CDHR1: variants seen among roughly 807,000 people sequenced by gnomAD.
The protein encoded by CDHR1 is cadherin related family member 1, also known as cadherin-related family member 1.
CDHR1 carries 61 observed loss-of-function variants against 72.1 expected under a neutral mutation model. That is an observed-to-expected ratio of 0.85 (90% CI 0.69 to 1.05). CDHR1 has a LOEUF of 1.05. CDHR1 is among the 50% of genes least tolerant of loss of function. The probability of loss-of-function intolerance (pLI) is 0.00; values close to 1 mark genes in which losing one functional copy is unlikely to be tolerated. For synonymous variants in CDHR1, 470 were observed against 448.1 expected (o/e 1.05, Z -0.62); for missense variants, 1,186 against 1,115.7 (o/e 1.06, Z -0.90).
Position 84,208,743 on chromosome 10 carries a change from A to C in CDHR1, c.1182A>C (p.Lys394Asn). Residue 394 changes from lysine to asparagine, a missense_variant, in exon 12 of 17, where the codon AAA becomes AAC. Coordinates refer to ENST00000623527, the MANE Select transcript of CDHR1 (RefSeq NM_033100.4). ...AAATTCTCTAGGGAGCCAATGCCAA[A>C]TTCAACTTGCAGCTGGTGGGACCCA... Reference protein sequence around the residue: ...VNDSDQGANAKFNLQLVGPRG... With the variant: ...VNDSDQGANANFNLQLVGPRG... 6.2e-7 allele frequency: 1 copy of C among 1,614,196 alleles called. No homozygotes were observed. Among genetic ancestry groups the C allele is most frequent in the Non-Finnish European group, 8.5e-7 (1 of 1,180,030 alleles).
rs1336380504 is a variant in CDHR1 at position 84,194,956 on chromosome 10, T to C, written c.55+141T>C. 1.9e-5 allele frequency: 16 copies of C among 854,676 alleles called. No individual in the cohort carries two copies. The East Asian group carries it at 4.3e-4, about 23-fold the overall frequency. 52.9% of individuals were successfully genotyped at this position (854,676 alleles called of 1,614,324 possible). A position where few individuals can be genotyped will look rare whatever the true frequency, so the allele number is the denominator to read the frequency against. On this transcript the variant is annotated intron_variant, in intron 1 of 16. Transcript: ENST00000623527. ...TGGTGGACGGGAGCGGAGAAGTCCT[T>C]CCATCTTCCTGGCCCATTCGGTAGT...
intron 12 of CDHR1, among the ~76,000 whole-genome samples, chr10:84,209,240 GA>G (rs949848452): frequency 6.6e-6 from 1 of 151,858 alleles, no homozygotes; most frequent in Non-Finnish European, 1.5e-5. Flanking sequence ...AGCTGAAGAG[GA>G]AAAAAATACT....
At position 84,217,196 on chromosome 10, in the gene CDHR1, G is replaced by A. The variant is rs542199796; in HGVS notation, c.*2575G>A. On this transcript the variant is annotated 3_prime_UTR_variant, in exon 17 of 17. Coordinates refer to ENST00000623527, the MANE Select transcript of CDHR1 (RefSeq NM_033100.4). ...CCCTGTGTTACGAATGGTGGGCCAA[G>A]GGGCTGTCTGCTAGGTCCCAGTAGG... is the stretch of plus-strand genomic sequence containing the variant. 6.1e-6 allele frequency: 6 copies of A among 985,548 alleles called. No individual in the cohort carries two copies. In the South Asian group the frequency reaches 2.3e-4, roughly 39 times the overall value. The allele number at this position is 985,548 out of a possible 1,614,324, so 61.1% of individuals were successfully genotyped here.
chr10:84,195,517 T>C lies in CDHR1; in HGVS notation c.79T>C (p.Phe27Leu). ...CLAQANFAPH[F>L]FDNGVGSTNG... ...AGCTCAGGCCAACTTCGCCCCGCAC[T>C]TCTTCGACAACGGGGTCGGCAGCAC... The change falls in exon 2 of 17, where the codon TTC (phenylalanine) becomes CTC (leucine). Residue 27 changes from phenylalanine (F) to leucine (L), a missense_variant. Coordinates refer to ENST00000623527, the MANE Select transcript of CDHR1 (RefSeq NM_033100.4). 6.2e-7 allele frequency: 1 copy of C among 1,614,128 alleles called. No homozygotes were observed.
At chr10:84,219,248 T>G, downstream of CDHR1, 1 of 1,550,200 alleles carries the variant, frequency 6.5e-7, no homozygotes. Context: ...TACTCTAGAG[T>G]TTTTCAAGGG....
At chr10:84,219,210 C>T (rs1013564314), downstream of CDHR1, 3 of 1,550,828 alleles carry the variant, frequency 1.9e-6, no homozygotes, top group Middle Eastern at 1.7e-4. Flanking sequence ...GCGAAATTGC[C>T]TTATTCAATC....
intron 3 of CDHR1, 108 bp downstream of exon 3, chr10:84,196,758 GA>G (rs1367388740): frequency 7.7e-7 from 1 of 1,305,442 alleles, no homozygotes; most frequent in African/African-American, 1.5e-5. Flanking sequence ...CAGAGTAGGG[GA>G]TGAGGGGGCA....
rs1415951702 is a variant in CDHR1, at chr10:84,202,622, G to A, written c.640-358G>A. On this transcript the variant is annotated intron_variant, in intron 7 of 16. Transcript: ENST00000623527. ...TGCGGGGCCCAAGTCCTGCTGTTGT[G>A]GGTCCCTGACACTCAGCACAGGCCA... Among the ~76,000 whole-genome samples the A allele has an allele frequency of 3.3e-5, 5 of 152,154 alleles. No individual in the cohort carries two copies. The East Asian group carries it at 9.6e-4, about 29-fold the overall frequency.
At chr10:84,197,633 T>C (rs968656154) in intron 3 of CDHR1, among the ~76,000 whole-genome samples, 153 bp from the exon 4 acceptor site, 1 of 152,120 alleles carries the variant, frequency 6.6e-6, no homozygotes, top group African/African-American at 2.4e-5. Context: ...CTGCCAGGCA[T>C]GCTGTCACCA....
intron 2 of CDHR1, among the ~76,000 whole-genome samples, chr10:84,196,230 C>A (rs939458462): frequency 6.6e-6 from 1 of 152,248 alleles, no homozygotes; most frequent in East Asian, 1.9e-4. Flanking sequence ...CAGTTAGGCA[C>A]GGCAGACCTG....
chr10:84,194,646 T>A lies in CDHR1; in HGVS notation c.-115T>A, dbSNP rs1841993683. 4.9e-6 allele frequency: 3 copies of A among 611,610 alleles called. No individual in the cohort carries two copies. The highest frequency in any genetic ancestry group is 7.3e-6 in the Non-Finnish European group (3 of 413,520). The allele number at this position is 611,610 out of a possible 1,614,324, so 37.9% of individuals were successfully genotyped here. ...GCCCCGTGCCCCCTCCCGCCGCGGC[T>A]GCAGTCGCCGCTACCCCCATTGTGG... On this transcript the variant is annotated 5_prime_UTR_variant, in exon 1 of 17. Transcript: ENST00000623527.
Position 84,214,113 on chromosome 10 carries a change from T to C in CDHR1, c.2072T>C (p.Leu691Pro). 1.2e-6 allele frequency: 2 copies of C among 1,614,232 alleles called. No homozygotes were observed. Among genetic ancestry groups the C allele is most frequent in the Non-Finnish European group, 1.7e-6 (2 of 1,180,042 alleles). The change falls in exon 17 of 17, where the codon CTG becomes CCG. Residue 691 changes from leucine (L) to proline (P), a missense_variant. Leu to Pro is a moderately conservative substitution (Grantham distance 98). Coordinates refer to ENST00000623527, the MANE Select transcript of CDHR1 (RefSeq NM_033100.4). ...TLSRSPMAAF[L>P]IQTKDNPMKA... ...TCCCGGAGCCCCATGGCTGCCTTCC[T>C]GATACAGACCAAGGACAACCCCATG...
chr10:84,213,684 AAG>A (rs968659787), intron 16 of CDHR1, among the ~76,000 whole-genome samples: 44 of 152,118 alleles, frequency 2.9e-4, no homozygotes, highest in African/African-American at 1.0e-3. Flanking sequence ...CTAGTCACTT[AAG>A]AGACTCCTGA....
rs1323168071 is a variant in CDHR1, at chr10:84,194,561, G to T, written c.-200G>T. 1 of 459,848 alleles carries T rather than the reference G, an allele frequency of 2.2e-6. No homozygotes were observed. The highest frequency in any genetic ancestry group is 3.8e-6 in the Non-Finnish European group (1 of 264,666). 28.5% of individuals were successfully genotyped at this position (459,848 alleles called of 1,614,324 possible). On this transcript the variant is annotated 5_prime_UTR_variant, in exon 1 of 17. Coordinates refer to ENST00000623527, the MANE Select transcript of CDHR1 (RefSeq NM_033100.4). ...CGCTAATTGGTCTCGTCAGGCGGCCGGCAGGAGCAGATCCGAGCCGTGTCA... is the reference window on the plus strand; with the variant it reads ...CGCTAATTGGTCTCGTCAGGCGGCCTGCAGGAGCAGATCCGAGCCGTGTCA...
At chr10:84,207,458 G>C (rs189144897) in intron 10 of CDHR1, among the ~76,000 whole-genome samples, 2 of 152,298 alleles carry the variant, frequency 1.3e-5, no homozygotes, top group East Asian at 1.9e-4. Flanking sequence ...AGCAGTGAAA[G>C]TGTCAAGGAG....
chr10:84,218,979 C>A, downstream of CDHR1: 2 of 557,952 alleles, frequency 3.6e-6, no homozygotes, highest in Non-Finnish European at 5.9e-6. Flanking sequence ...AAAAAAAAAG[C>A]CTCGTATAAT....
chr10:84,200,707 A>T lies in CDHR1; in HGVS notation c.525+20A>T. The T allele has an allele frequency of 6.3e-7, 1 of 1,588,312 alleles. No homozygotes were observed. Among genetic ancestry groups the T allele is most frequent in the Non-Finnish European group, 8.6e-7 (1 of 1,161,982 alleles). The stretch of plus-strand genomic sequence containing the variant: ...CTGCAGGTAAGGCAGGACACACAGG[A>T]CCTAACCTGGGGCTGGGCCGGAGGG... On this transcript the variant is annotated intron_variant, in intron 6 of 16. Transcript: ENST00000623527.
rs1273154008 is a variant in CDHR1 at position 84,216,143 on chromosome 10, G to C, written c.*1522G>C. 3.2e-5 allele frequency: 32 copies of C among 985,370 alleles called. No homozygotes were observed. The highest frequency in any genetic ancestry group is 3.6e-5 in the Non-Finnish European group (30 of 829,954). The allele number at this position is 985,370 out of a possible 1,614,324, so 61.0% of individuals were successfully genotyped here. A position where few individuals can be genotyped will look rare whatever the true frequency, so the allele number is the denominator to read the frequency against. On this transcript the variant is annotated 3_prime_UTR_variant, in exon 17 of 17. Transcript: ENST00000623527. ...GGAAATCTACATGTGTGCACAGAGAGAGAAAAGTAGAACAGTTCTTTGCAT... is the reference window on the plus strand; with the variant it reads ...GGAAATCTACATGTGTGCACAGAGACAGAAAAGTAGAACAGTTCTTTGCAT...
In CDHR1 at chr10:84,216,737, TC is replaced by T. The variant is rs1842431637; in HGVS notation, c.*2117del. ...AACAGCAGGACATTTGCAGGCCTTG[TC>T]TACTGGACTTTTCTCCCAAACAGGA... On this transcript the variant is annotated 3_prime_UTR_variant, in exon 17 of 17. Transcript: ENST00000623527. The T allele has an allele frequency of 1.0e-5, 10 of 985,364 alleles. No individual in the cohort carries two copies. The highest frequency in any genetic ancestry group is 1.2e-5 in the Non-Finnish European group (10 of 829,958). The allele number at this position is 985,364 out of a possible 1,614,324, so 61.0% of individuals were successfully genotyped here. A position where few individuals can be genotyped will look rare whatever the true frequency, so the allele number is the denominator to read the frequency against.
Sources: allele counts gnomAD v4.1 joint callset (sites outside exome capture counted in the v4.1 genomes callset), GRCh38; gene constraint gnomAD v4.1.1; transcripts MANE v1.5; gene names NCBI Gene and HGNC (gene_info 2026-07-23, HGNC 2026-07-21).